Variants in PTPRD observed in about 807,000 individuals in gnomAD.
PTPRD encodes the protein protein tyrosine phosphatase receptor type D, also known as receptor-type tyrosine-protein phosphatase delta.
PTPRD carries 34 observed loss-of-function variants against 214.5 expected under a neutral mutation model. The ratio of observed to expected loss-of-function variants is 0.16; its 90% CI spans 0.12 to 0.21. The LOEUF is 0.21. PTPRD is among the 10% of genes least tolerant of loss of function. The pLI is 1.00. For synonymous variants in PTPRD, 1,128 were observed against 845.7 expected (o/e 1.33, Z -5.79); for missense variants, 2,545 against 2,398.7 (o/e 1.06, Z -1.27).
chr9:8,446,371 C>CT (rs950542163), intron 34 of PTPRD, among the ~76,000 whole-genome samples: 1 of 152,158 alleles, frequency 6.6e-6, no homozygotes, highest in Non-Finnish European at 1.5e-5. Context: ...CACAAGATGA[C>CT]TTTTTTGAGA....
rs544543287 is a variant in PTPRD at position 10,420,803 on chromosome 9, C to A, written c.-599-79786G>T. Among the ~76,000 whole-genome samples, 5 of 151,904 alleles carry A rather than the reference C, an allele frequency of 3.3e-5. No individual in the cohort carries two copies. In the South Asian group the frequency reaches 1.0e-3, roughly 32 times the overall value. Reference sequence around the variant, plus strand: ...ATCACTTAAATATTGTTAGATATTTCAGTGTGCTTTTATACTGTCAGAGTT... The same window carrying A: ...ATCACTTAAATATTGTTAGATATTTAAGTGTGCTTTTATACTGTCAGAGTT... On this transcript the variant is annotated intron_variant, in intron 2 of 45. Coordinates refer to ENST00000381196, the MANE Select transcript of PTPRD (RefSeq NM_002839.4).
At chr9:8,337,398 A>C (rs962535391) in intron 43 of PTPRD, among the ~76,000 whole-genome samples, 2 of 152,014 alleles carry the variant, frequency 1.3e-5, no homozygotes, top group African/African-American at 4.8e-5. Context: ...GGAGTTGAAC[A>C]ATGAGAACAC....
chr9:10,329,315 C>G (rs2096706456), intron 3 of PTPRD, among the ~76,000 whole-genome samples: 1 of 151,822 alleles, frequency 6.6e-6, no homozygotes, highest in Non-Finnish European at 1.5e-5. Context: ...TTGGGCAATA[C>G]ATGACTTATT....
chr9:9,496,433 A>G lies in PTPRD; in HGVS notation c.-237+78299T>C, dbSNP rs2096190573. ...AAGAACTGAAATAGACATTTCTCCA[A>G]CTAGGATACACAAATGTCCAATAAG... On this transcript the variant is annotated intron_variant, in intron 8 of 45. Coordinates refer to ENST00000381196, the MANE Select transcript of PTPRD (RefSeq NM_002839.4). Among the ~76,000 whole-genome samples the G allele has an allele frequency of 5.9e-5, 9 of 152,166 alleles. No homozygotes were observed. The South Asian group carries it at 1.9e-3, about 32-fold the overall frequency.
intron 2 of PTPRD, among the ~76,000 whole-genome samples, chr9:10,344,714 TGGTTTGTA>T (rs2097031768): frequency 1.3e-5 from 2 of 152,150 alleles, no homozygotes; most frequent in Non-Finnish European, 2.9e-5. Flanking sequence ...CATTGAGCAG[TGGTTTGTA>T]GTTCTCATTG....
chr9:10,491,714 T>C (rs193003112), intron 2 of PTPRD, among the ~76,000 whole-genome samples: 6 of 152,096 alleles, frequency 3.9e-5, no homozygotes, highest in Admixed American at 3.9e-4. Context: ...AGGGTTTCTT[T>C]CTTTTTTTTT....
chr9:9,609,455 G>T (rs1162915815), intron 7 of PTPRD, among the ~76,000 whole-genome samples: 1 of 152,130 alleles, frequency 6.6e-6, no homozygotes, highest in Non-Finnish European at 1.5e-5. Flanking sequence ...ATGTGAAGGT[G>T]TTTTTTGTTG....
At chr9:9,861,751 A>C (rs2062827072) in intron 5 of PTPRD, among the ~76,000 whole-genome samples, 1 of 152,214 alleles carries the variant, frequency 6.6e-6, no homozygotes, top group Non-Finnish European at 1.5e-5. Context: ...AAAAGTAAAT[A>C]AATTCATAAA....
At chr9:9,174,082 G>GA (rs2131091513) in intron 10 of PTPRD, among the ~76,000 whole-genome samples, 1 of 152,056 alleles carries the variant, frequency 6.6e-6, no homozygotes, top group South Asian at 2.1e-4. Context: ...TATATTGCAT[G>GA]AAAAAATAGT....
chr9:10,455,506 G>A (rs951653480), intron 2 of PTPRD, among the ~76,000 whole-genome samples: 3 of 151,696 alleles, frequency 2.0e-5, no homozygotes, highest in African/African-American at 7.2e-5. Flanking sequence ...TGATGCCCCA[G>A]CCACACCTCA....
At chr9:10,481,946 A>G (rs1255427531) in intron 2 of PTPRD, among the ~76,000 whole-genome samples, 1 of 152,198 alleles carries the variant, frequency 6.6e-6, no homozygotes, top group Non-Finnish European at 1.5e-5. Context: ...AGACAAAATT[A>G]TATTTAAGAC....
chr9:8,849,171 ATTTT>A (rs746565485), intron 11 of PTPRD, among the ~76,000 whole-genome samples: 9 of 108,748 alleles, frequency 8.3e-5, no homozygotes, highest in Non-Finnish European at 1.5e-4. Flanking sequence ...TCAAAAAAAA[ATTTT>A]TTTTTTTTTT....
At chr9:8,902,270 G>A (rs1363912187) in intron 11 of PTPRD, among the ~76,000 whole-genome samples, 1 of 151,974 alleles carries the variant, frequency 6.6e-6, no homozygotes. Flanking sequence ...GAGATGATTA[G>A]CAATGCACAC....
intron 11 of PTPRD, among the ~76,000 whole-genome samples, chr9:9,007,057 G>A (rs2099474808): frequency 6.6e-6 from 1 of 151,766 alleles, no homozygotes; most frequent in African/African-American, 2.4e-5. Context: ...CTTAACTTCT[G>A]ACTGCTTGGT....
At chr9:8,844,102 T>C (rs1346364612) in intron 11 of PTPRD, among the ~76,000 whole-genome samples, 2 of 152,234 alleles carry the variant, frequency 1.3e-5, no homozygotes, top group Non-Finnish European at 2.9e-5. Flanking sequence ...CTCTAGTACC[T>C]AAATATTCCA....
At chr9:9,558,254 C>T (rs1324701266) in intron 8 of PTPRD, among the ~76,000 whole-genome samples, 1 of 152,214 alleles carries the variant, frequency 6.6e-6, no homozygotes, top group Admixed American at 6.5e-5. Context: ...AATAGTGGCA[C>T]AGAGCCAAGT....
chr9:10,405,685 T>G (rs2098342933), intron 2 of PTPRD, among the ~76,000 whole-genome samples: 1 of 151,546 alleles, frequency 6.6e-6, no homozygotes, highest in East Asian at 2.0e-4. Flanking sequence ...AGCTTATATC[T>G]GCAAATAAAT....
intron 5 of PTPRD, among the ~76,000 whole-genome samples, chr9:9,806,357 C>G (rs2821480): frequency 0.6 from 91,313 of 151,930 alleles, 30,027 homozygotes; most frequent in East Asian, 0.87. Flanking sequence ...GCCGCACCAT[C>G]GTCAAGCCAT....
chr9:10,157,264 G>A (rs762132242), intron 3 of PTPRD, among the ~76,000 whole-genome samples: 42 of 152,168 alleles, frequency 2.8e-4, no homozygotes, highest in Admixed American at 4.6e-4. Context: ...TGTGACAATT[G>A]ATAAAGGTCT....
Sources: allele counts gnomAD v4.1 joint callset (sites outside exome capture counted in the v4.1 genomes callset), GRCh38; gene constraint gnomAD v4.1.1; transcripts MANE v1.5; gene names NCBI Gene and HGNC (gene_info 2026-07-23, HGNC 2026-07-21).